Variants in IMMP2L observed in about 807,000 individuals in gnomAD.
IMMP2L encodes the protein mitochondrial inner membrane protease subunit 2.
Under a neutral mutation model 19.3 loss-of-function variants are expected in IMMP2L, and 18 were observed. The observed-to-expected ratio is 0.93, with a 90% confidence interval of 0.64 to 1.38. The LOEUF (loss-of-function observed/expected upper bound fraction) is 1.38. IMMP2L is among the 40% of genes most tolerant of loss of function. The probability of loss-of-function intolerance (pLI) is 0.00; values close to 1 mark genes in which losing one functional copy is unlikely to be tolerated. For synonymous variants in IMMP2L, 76 were observed against 73.0 expected (o/e 1.04, Z -0.21); for missense variants, 233 against 218.2 (o/e 1.07, Z -0.43).
At chr7:111,351,499 A>G (rs1175291058) in intron 3 of IMMP2L, among the ~76,000 whole-genome samples, 2 of 152,086 alleles carry the variant, frequency 1.3e-5, no homozygotes, top group Non-Finnish European at 2.9e-5. Flanking sequence ...CATCTTTTTT[A>G]CTTACACTGC....
At chr7:111,478,887 T>C (rs1345604126) in intron 3 of IMMP2L, among the ~76,000 whole-genome samples, 1 of 152,174 alleles carries the variant, frequency 6.6e-6, no homozygotes, top group Non-Finnish European at 1.5e-5. Context: ...ATAAAAAAAT[T>C]ATAGAAACTC....
rs1218908827 is a variant in IMMP2L at position 110,843,562 on chromosome 7, C to T, written c.408+43031G>A. On this transcript the variant is annotated intron_variant, in intron 5 of 5. Coordinates refer to ENST00000405709, the MANE Select transcript of IMMP2L (RefSeq NM_032549.4). ...GGGTAAATATGTCTCAGGCATCATG[C>T]TGAAGATTCATCTTAGAACAAAATA... Among the ~76,000 whole-genome samples, 3 of 152,240 alleles carry T rather than the reference C, an allele frequency of 2.0e-5. No homozygotes were observed. In the East Asian group the frequency reaches 5.8e-4, roughly 29 times the overall value.
chr7:111,402,113 C>A (rs1833471359), intron 3 of IMMP2L, among the ~76,000 whole-genome samples: 1 of 132,616 alleles, frequency 7.5e-6, no homozygotes, highest in Non-Finnish European at 1.6e-5. Flanking sequence ...ATAGCAAGAC[C>A]CCATCTCAAA....
At chr7:110,797,771 C>T (rs924676207) in intron 5 of IMMP2L, among the ~76,000 whole-genome samples, 1 of 151,976 alleles carries the variant, frequency 6.6e-6, no homozygotes, top group East Asian at 1.9e-4. Context: ...ATAAACTAAT[C>T]CCTGATATCC....
chr7:111,464,305 C>T (rs1840410802), intron 3 of IMMP2L, among the ~76,000 whole-genome samples: 1 of 152,132 alleles, frequency 6.6e-6, no homozygotes, highest in African/African-American at 2.4e-5. Context: ...AATTACCTTG[C>T]CTCTGCAAAA....
chr7:111,378,199 G>T (rs1190199771), intron 3 of IMMP2L, among the ~76,000 whole-genome samples: 1 of 151,830 alleles, frequency 6.6e-6, no homozygotes, highest in Non-Finnish European at 1.5e-5. Context: ...AAGCAAAATT[G>T]CATGATAATC....
chr7:111,306,779 T>C (rs548501472), intron 3 of IMMP2L, among the ~76,000 whole-genome samples: 1 of 151,980 alleles, frequency 6.6e-6, no homozygotes, highest in African/African-American at 2.4e-5. Context: ...TTCTGACTTT[T>C]ATCCTTTGGG....
intron 5 of IMMP2L, among the ~76,000 whole-genome samples, chr7:110,790,925 C>T (rs1800419091): frequency 2.0e-5 from 3 of 151,368 alleles, no homozygotes; most frequent in Non-Finnish European, 4.4e-5. Context: ...GTGCCACTGT[C>T]TTGGAGAAGC....
chr7:111,082,485 G>T (rs1273407556), intron 3 of IMMP2L, among the ~76,000 whole-genome samples: 1 of 152,118 alleles, frequency 6.6e-6, no homozygotes, highest in African/African-American at 2.4e-5. Context: ...TTCTTTCTCA[G>T]CTCCATAATG....
At chr7:110,766,537 C>T (rs1429253626) in intron 5 of IMMP2L, among the ~76,000 whole-genome samples, 2 of 134,356 alleles carry the variant, frequency 1.5e-5, no homozygotes, top group Non-Finnish European at 1.5e-5. Flanking sequence ...AAGCCGAGAT[C>T]GTACCACTGC....
At chr7:111,155,079 T>G (rs1410131770) in intron 3 of IMMP2L, among the ~76,000 whole-genome samples, 2 of 152,142 alleles carry the variant, frequency 1.3e-5, no homozygotes, top group African/African-American at 4.8e-5. Flanking sequence ...ATTAAAATTC[T>G]GCTGGGGAGG....
chr7:111,451,083 G>A (rs1839111260), intron 3 of IMMP2L, among the ~76,000 whole-genome samples: 2 of 147,636 alleles, frequency 1.4e-5, no homozygotes, highest in South Asian at 4.2e-4. Context: ...AGGATGTGGA[G>A]AAATAGGAAC....
chr7:111,114,442 C>T (rs1430409888), intron 3 of IMMP2L, among the ~76,000 whole-genome samples: 1 of 151,974 alleles, frequency 6.6e-6, no homozygotes, highest in African/African-American at 2.4e-5. Context: ...TAAGTTTGCA[C>T]AAAGAAATAT....
chr7:111,279,547 T>C (rs1819471364), intron 3 of IMMP2L, among the ~76,000 whole-genome samples: 1 of 152,134 alleles, frequency 6.6e-6, no homozygotes, highest in Non-Finnish European at 1.5e-5. Context: ...CTAAGTGAAT[T>C]ACGAAAACCC....
intron 4 of IMMP2L, among the ~76,000 whole-genome samples, chr7:110,934,548 G>C (rs1456923401): frequency 6.6e-6 from 1 of 152,092 alleles, no homozygotes; most frequent in Admixed American, 6.6e-5. Flanking sequence ...AGAAAGTATA[G>C]GTTTTCCCTC....
chr7:110,772,936 C>T (rs1233391097), intron 5 of IMMP2L, among the ~76,000 whole-genome samples: 11 of 151,692 alleles, frequency 7.3e-5, no homozygotes, highest in African/African-American at 1.7e-4. Context: ...GAAGTACTAT[C>T]GGCCATATTC....
At chr7:110,989,033 T>A (rs2129559253) in intron 3 of IMMP2L, among the ~76,000 whole-genome samples, 1 of 152,194 alleles carries the variant, frequency 6.6e-6, no homozygotes, top group South Asian at 2.1e-4. Context: ...GCTGGGAGTT[T>A]GACACCAGCC....
At position 111,037,279 on chromosome 7, in the gene IMMP2L, A is replaced by T. The variant is rs1328289345; in HGVS notation, c.240-73714T>A. On this transcript the variant is annotated intron_variant, in intron 3 of 5. Coordinates refer to ENST00000405709, the MANE Select transcript of IMMP2L (RefSeq NM_032549.4). ...AATTTGTAGAGGTCTAAAGGTTTTC[A>T]AGGCAGCTGTAAACATATACAATTT... Among the ~76,000 whole-genome samples the T allele has an allele frequency of 4.6e-5, 7 of 152,290 alleles. No individual in the cohort carries two copies. The South Asian group carries it at 1.5e-3, about 32-fold the overall frequency.
intron 3 of IMMP2L, among the ~76,000 whole-genome samples, chr7:110,999,419 T>A (rs1051792358): frequency 4.6e-5 from 7 of 151,600 alleles, no homozygotes; most frequent in African/African-American, 1.7e-4. Flanking sequence ...CTGTTTGTCT[T>A]CTTGCTCTAT....
Sources: allele counts gnomAD v4.1 joint callset (sites outside exome capture counted in the v4.1 genomes callset), GRCh38; gene constraint gnomAD v4.1.1; transcripts MANE v1.5; gene names NCBI Gene and HGNC (gene_info 2026-07-23, HGNC 2026-07-21).